The following GRIP1 variants were observed in gnomAD, a reference collection of about 807,000 sequenced individuals.
The protein encoded by GRIP1 is glutamate receptor interacting protein 1.
GRIP1 carries 45 observed loss-of-function variants against 129.9 expected under a neutral mutation model. That is an observed-to-expected ratio of 0.35 (90% CI 0.27 to 0.44). The LOEUF is 0.44. Ranked by LOEUF, GRIP1 falls within the 20% of genes least tolerant of loss-of-function variation. The pLI is 1.00. For missense variants in GRIP1, 1,196 were observed against 1,396.8 expected (o/e 0.86, Z 2.29); for synonymous variants, 530 against 520.8 (o/e 1.02, Z -0.24).
chr12:66,538,959 G>A lies in GRIP1; in HGVS notation c.418+119C>T, dbSNP rs530165204. ...ATTTATCAATTAAACTTTATCATAAGTATGTATGTATAGAAAAAAACCTGA... is the reference window on the plus strand; with the variant it reads ...ATTTATCAATTAAACTTTATCATAAATATGTATGTATAGAAAAAAACCTGA... On this transcript the variant is annotated intron_variant, in intron 4 of 24. Coordinates refer to ENST00000359742, the MANE Select transcript of GRIP1 (RefSeq NM_001366722.1). 1.5e-5 allele frequency: 12 copies of A among 807,520 alleles called. No individual in the cohort carries two copies. The South Asian group carries it at 1.8e-4, about 12-fold the overall frequency. 50.0% of individuals were successfully genotyped at this position (807,520 alleles called of 1,614,324 possible).
intron 22 of GRIP1, 64 bp from the exon 23 acceptor site, chr12:66,371,991 A>G: frequency 9.8e-7 from 1 of 1,023,514 alleles, no homozygotes. Flanking sequence ...TTGGTGCTCA[A>G]CAGTAAGCAC....
chr12:67,061,019 T>C (rs1016404091), intron 1 of GRIP1, among the ~76,000 whole-genome samples: 3 of 152,160 alleles, frequency 2.0e-5, no homozygotes, highest in Non-Finnish European at 4.4e-5. Context: ...GAGCTGGACT[T>C]TTCCAGCTGC....
At chr12:66,667,423 C>A (rs1040200374) in intron 1 of GRIP1, among the ~76,000 whole-genome samples, 1 of 152,140 alleles carries the variant, frequency 6.6e-6, no homozygotes, top group African/African-American at 2.4e-5. Context: ...CTCTTTTGTT[C>A]CTGAATCACC....
At chr12:66,862,856 C>G (rs899118673) in intron 1 of GRIP1, among the ~76,000 whole-genome samples, 8 of 151,998 alleles carry the variant, frequency 5.3e-5, no homozygotes, top group African/African-American at 1.9e-4. Flanking sequence ...CTTCCCATAT[C>G]CATATGAATT....
At chr12:66,761,121 C>T (rs1035379578) in intron 1 of GRIP1, among the ~76,000 whole-genome samples, 4 of 151,952 alleles carry the variant, frequency 2.6e-5, no homozygotes, top group Non-Finnish European at 5.9e-5. Flanking sequence ...CCATTCTTTC[C>T]TTTTCAGCTC....
intron 1 of GRIP1, among the ~76,000 whole-genome samples, chr12:66,734,469 T>C (rs190619390): frequency 2.5e-4 from 38 of 152,194 alleles, no homozygotes; most frequent in African/African-American, 7.9e-4. Context: ...AGAAATGTGG[T>C]TTCTACAGTA....
intron 1 of GRIP1, among the ~76,000 whole-genome samples, chr12:66,829,083 A>G (rs2039470082): frequency 6.6e-6 from 1 of 152,192 alleles, no homozygotes; most frequent in Non-Finnish European, 1.5e-5. Context: ...ATGGCAAAAG[A>G]GTGACTATTA....
intron 1 of GRIP1, among the ~76,000 whole-genome samples, chr12:66,976,885 T>G (rs1040679946): frequency 6.6e-6 from 1 of 152,208 alleles, no homozygotes; most frequent in Non-Finnish European, 1.5e-5. Flanking sequence ...CTCTCTTTTT[T>G]GTCCAATCCT....
intron 1 of GRIP1, among the ~76,000 whole-genome samples, chr12:66,936,078 G>A (rs2041478958): frequency 6.6e-6 from 1 of 152,114 alleles, no homozygotes; most frequent in Non-Finnish European, 1.5e-5. Context: ...CTCTCTGGTA[G>A]GTAGGTGAAC....
chr12:66,921,904 A>G (rs758129681), intron 1 of GRIP1, among the ~76,000 whole-genome samples: 4 of 152,206 alleles, frequency 2.6e-5, no homozygotes, highest in Non-Finnish European at 4.4e-5. Flanking sequence ...ATTGTCACTA[A>G]AAAGTAGCTA....
chr12:66,582,801 G>T (rs2063450030), intron 2 of GRIP1, among the ~76,000 whole-genome samples: 1 of 145,932 alleles, frequency 6.9e-6, no homozygotes, highest in Non-Finnish European at 1.5e-5. Flanking sequence ...TGGGTAGGAA[G>T]AATCAATATC....
chr12:66,993,744 T>A (rs1399188701), intron 1 of GRIP1, among the ~76,000 whole-genome samples: 3 of 141,322 alleles, frequency 2.1e-5, no homozygotes, highest in Non-Finnish European at 4.5e-5. Flanking sequence ...TGAGCCGAGA[T>A]CATGCCACTG....
intron 2 of GRIP1, among the ~76,000 whole-genome samples, chr12:66,569,457 AC>A (rs2062881259): frequency 6.6e-6 from 1 of 152,110 alleles, no homozygotes; most frequent in Admixed American, 6.5e-5. Flanking sequence ...AGCCTGGGTG[AC>A]AGAGTGAGAC....
intron 1 of GRIP1, among the ~76,000 whole-genome samples, chr12:66,961,059 G>T (rs550545084): frequency 2.0e-5 from 3 of 152,274 alleles, no homozygotes; most frequent in South Asian, 4.2e-4. Flanking sequence ...TACCTATTTT[G>T]TGGCCTGTTG....
chr12:66,746,863 C>T (rs1473004421), intron 1 of GRIP1, among the ~76,000 whole-genome samples: 1 of 152,144 alleles, frequency 6.6e-6, no homozygotes, highest in African/African-American at 2.4e-5. Context: ...AGTTATTTTT[C>T]AGCTGGGAAG....
At chr12:66,913,892 T>C (rs1028861077) in intron 1 of GRIP1, among the ~76,000 whole-genome samples, 1 of 152,214 alleles carries the variant, frequency 6.6e-6, no homozygotes, top group Non-Finnish European at 1.5e-5. Context: ...TTCATTCCTG[T>C]CATCAAAGAA....
chr12:66,440,007 C>T (rs962162163), intron 13 of GRIP1, among the ~76,000 whole-genome samples: 3 of 152,162 alleles, frequency 2.0e-5, no homozygotes, highest in Admixed American at 6.5e-5. Context: ...GGTTGGTTTC[C>T]TCATGCATTC....
intron 1 of GRIP1, among the ~76,000 whole-genome samples, chr12:66,629,437 C>T (rs980476825): frequency 2.0e-5 from 3 of 152,226 alleles, no homozygotes; most frequent in Non-Finnish European, 2.9e-5. Flanking sequence ...TTCATCTCCG[C>T]TCCCTAATAA....
At chr12:66,469,216 C>T (rs1270899894) in intron 7 of GRIP1, among the ~76,000 whole-genome samples, 1 of 152,146 alleles carries the variant, frequency 6.6e-6, no homozygotes, top group African/African-American at 2.4e-5. Flanking sequence ...ATTTTCTTCA[C>T]TTGTAAAATG....
Sources: gnomAD v4.1 joint callset for allele counts (sites outside exome capture counted in the v4.1 genomes callset) on GRCh38, gnomAD v4.1.1 for gene constraint, MANE v1.5 for transcripts, NCBI Gene and HGNC (gene_info 2026-07-23, HGNC 2026-07-21) for gene names.